The following SLC38A8 variants were observed in gnomAD, a reference collection of about 807,000 sequenced individuals.
SLC38A8 encodes the protein solute carrier family 38 member 8, also known as amino acid transporter SLC38A8.
In SLC38A8, 65 loss-of-function variants were observed where a neutral mutation model predicts 46.0. The ratio of observed to expected loss-of-function variants is 1.41; its 90% confidence interval spans 1.16 to 1.74. The LOEUF is 1.74. Among genes scored for constraint, SLC38A8 ranks in the 40% most tolerant of loss-of-function variants. The pLI, the probability that SLC38A8 is intolerant of heterozygous loss-of-function variation, is 0.00. For missense variants in SLC38A8, 998 were observed against 567.9 expected (o/e 1.76, Z -7.70); for synonymous variants, 447 against 243.7 (o/e 1.83, Z -7.77).
intron 7 of SLC38A8, 85 bp from the exon 8 acceptor site, chr16:84,017,372 T>C: frequency 6.7e-7 from 1 of 1,502,522 alleles, no homozygotes; most frequent in South Asian, 1.2e-5. Context: ...AGCGCCTGGC[T>C]TTACCACCTA....
rs2085379445 is a variant in SLC38A8 at position 84,042,567 on chromosome 16, T to C, written c.-19A>G. 1 of 160,734 alleles carries C rather than the reference T, an allele frequency of 6.2e-6. No homozygotes were observed. Among genetic ancestry groups the C allele is most frequent in the Admixed American group, 6.1e-5 (1 of 16,408 alleles). The allele number at this position is 160,734 out of a possible 1,614,324, so 10.0% of individuals were successfully genotyped here. ...GGTCCTTACCACCAAATCCAACTTTTAAGGTGCCGGACAGTCTTTGGCTGT... is the reference window on the plus strand; with the variant it reads ...GGTCCTTACCACCAAATCCAACTTTCAAGGTGCCGGACAGTCTTTGGCTGT... On this transcript the variant is annotated 5_prime_UTR_variant, in exon 1 of 11. Coordinates refer to ENST00000299709, the MANE Select transcript of SLC38A8 (RefSeq NM_001080442.3).
intron 3 of SLC38A8, among the ~76,000 whole-genome samples, chr16:84,035,360 G>C (rs926806985): frequency 1.3e-5 from 2 of 152,158 alleles, no homozygotes; most frequent in African/African-American, 4.8e-5. Context: ...ATACCCCCCA[G>C]TCAGGGGCCT....
At chr16:84,012,153 C>A (rs1043988815) in intron 10 of SLC38A8, among the ~76,000 whole-genome samples, 4 of 152,190 alleles carry the variant, frequency 2.6e-5, no homozygotes, top group Non-Finnish European at 4.4e-5. Flanking sequence ...TACAATAACC[C>A]CATAAAACTA....
chr16:84,020,654 C>T (rs1477557839), intron 7 of SLC38A8, among the ~76,000 whole-genome samples: 3 of 152,176 alleles, frequency 2.0e-5, no homozygotes, highest in Admixed American at 6.6e-5. Context: ...GGAGCAGAGA[C>T]GTGAGGGCAC....
intron 9 of SLC38A8, among the ~76,000 whole-genome samples, chr16:84,015,523 G>T (rs1404733569): frequency 6.6e-6 from 1 of 152,040 alleles, no homozygotes; most frequent in Non-Finnish European, 1.5e-5. Context: ...CGGTAGCATG[G>T]ACAGAGCTGT....
rs201796499 is a variant in SLC38A8 at position 84,033,441 on chromosome 16, C to T, written c.417G>A (p.Pro139=). ...CTGCGTACCACGGCTGCGGGGCGGG[C>T]GGGGTGCCAGACAGGAGGGAGTCAC... ...KLCDSLLSGT[P]PAPQPWYADQ... is the part of the protein sequence containing the mutation. Residue 139 remains proline, a synonymous_variant, in exon 4 of 11, where the codon CCG becomes CCA. Coordinates refer to ENST00000299709, the MANE Select transcript of SLC38A8 (RefSeq NM_001080442.3). 6.3e-5 allele frequency: 101 copies of T among 1,609,854 alleles called. No homozygotes were observed. In the East Asian group the frequency reaches 1.8e-3, roughly 28 times the overall value.
At chr16:84,031,810 G>T in intron 5 of SLC38A8, 57 bp downstream of exon 5, 1 of 1,453,600 alleles carries the variant, frequency 6.9e-7, no homozygotes, top group Non-Finnish European at 9.6e-7. Flanking sequence ...TCCCCTCACA[G>T]ACTCCCCTGC....
At chr16:84,015,367 C>A (rs755437625) in intron 9 of SLC38A8, among the ~76,000 whole-genome samples, 25 of 152,112 alleles carry the variant, frequency 1.6e-4, no homozygotes, top group Non-Finnish European at 3.1e-4. Flanking sequence ...TCCTAAGAAA[C>A]CATCCTTCGC....
At chr16:84,034,014 T>A (rs1360328513) in intron 3 of SLC38A8, among the ~76,000 whole-genome samples, 4 of 152,126 alleles carry the variant, frequency 2.6e-5, no homozygotes, top group Admixed American at 2.6e-4. Flanking sequence ...CTCCTCCATA[T>A]AGAATTGGCT....
At chr16:84,013,890 G>C (rs567358940) in intron 9 of SLC38A8, among the ~76,000 whole-genome samples, 2 of 152,296 alleles carry the variant, frequency 1.3e-5, no homozygotes, top group South Asian at 2.1e-4. Context: ...CACAGCATCA[G>C]AATTTAATCT....
rs369454720 is a variant in SLC38A8 at position 84,013,422 on chromosome 16, G to GTTTT, written c.1163-371_1163-370insAAAA. 7.3e-3 allele frequency among the ~76,000 whole-genome samples: 788 copies of GTTTT among 108,430 alleles called. 17 individuals are homozygous for GTTTT. The highest frequency in any genetic ancestry group is 0.012 in the East Asian group (50 of 4,008). The allele number at this position is 108,430 out of a possible 152,430, so 71.1% of individuals were successfully genotyped here. A position where few individuals can be genotyped will look rare whatever the true frequency, so the allele number is the denominator to read the frequency against. ...ACCATTACTTTCTTTTGTTGTGTGTGTGTTTTTTTTTTTTTTTTTTTTTTT... is the reference window on the plus strand; with the variant it reads ...ACCATTACTTTCTTTTGTTGTGTGTGTTTTTGTTTTTTTTTTTTTTTTTTTTTTT... On this transcript the variant is annotated intron_variant, in intron 9 of 10. Coordinates refer to ENST00000299709, the MANE Select transcript of SLC38A8 (RefSeq NM_001080442.3).
intron 2 of SLC38A8, among the ~76,000 whole-genome samples, chr16:84,037,620 G>A (rs1043501678): frequency 4.5e-4 from 68 of 151,996 alleles, no homozygotes; most frequent in Admixed American, 2.0e-4. Flanking sequence ...AATTAGCCAA[G>A]CATGGTGGCA....
At chr16:84,018,656 C>G (rs534456474) in intron 7 of SLC38A8, among the ~76,000 whole-genome samples, 1 of 152,178 alleles carries the variant, frequency 6.6e-6, no homozygotes, top group Admixed American at 6.5e-5. Flanking sequence ...AAACTAAAAT[C>G]AACACCAGAC....
At chr16:84,033,277 C>T in intron 4 of SLC38A8, 51 bp downstream of exon 4, 1 of 1,612,980 alleles carries the variant, frequency 6.2e-7, no homozygotes, top group Non-Finnish European at 8.5e-7. Flanking sequence ...AACCCTGACA[C>T]AAACACTCAG....
chr16:84,029,112 G>T (rs1297065734), intron 6 of SLC38A8, among the ~76,000 whole-genome samples: 2 of 152,176 alleles, frequency 1.3e-5, no homozygotes, highest in South Asian at 2.1e-4. Context: ...AAACTGTCCT[G>T]CCAGAGTTAG....
intron 2 of SLC38A8, among the ~76,000 whole-genome samples, chr16:84,041,508 T>C (rs2085366835): frequency 1.3e-5 from 2 of 152,208 alleles, no homozygotes; most frequent in Admixed American, 1.3e-4. Flanking sequence ...AGACAGGGTT[T>C]CACCATATGG....
In SLC38A8 at chr16:84,016,439, G is replaced by A. The variant is rs1211953202; in HGVS notation, c.1162+80C>T. ...TGTGGCTCCCACCTTCCAGAACCTT[G>A]ACCTCCAACACTGGGAGTCCCCACA... On this transcript the variant is annotated intron_variant, in intron 9 of 10. Coordinates refer to ENST00000299709, the MANE Select transcript of SLC38A8 (RefSeq NM_001080442.3). The A allele has an allele frequency of 8.6e-6, 13 of 1,509,378 alleles. No homozygotes were observed. The African/African-American group carries it at 1.5e-4, about 18-fold the overall frequency. 93.5% of individuals were successfully genotyped at this position (1,509,378 alleles called of 1,614,324 possible).
At chr16:84,019,114 A>G (rs1344085217) in intron 7 of SLC38A8, among the ~76,000 whole-genome samples, 1 of 151,524 alleles carries the variant, frequency 6.6e-6, no homozygotes, top group Non-Finnish European at 1.5e-5. Context: ...GGAGTCTGTC[A>G]CCCAGGCTGG....
At chr16:84,040,430 A>C (rs1042975777) in intron 2 of SLC38A8, among the ~76,000 whole-genome samples, 1 of 152,152 alleles carries the variant, frequency 6.6e-6, no homozygotes, top group African/African-American at 2.4e-5. Context: ...TCTCAGGCCC[A>C]CCCAGCCCTG....
Sources: gnomAD v4.1 joint callset for allele counts (sites outside exome capture counted in the v4.1 genomes callset) on GRCh38, gnomAD v4.1.1 for gene constraint, MANE v1.5 for transcripts, NCBI Gene and HGNC (gene_info 2026-07-23, HGNC 2026-07-21) for gene names.